NECTIN1: variants seen among roughly 807,000 people sequenced by gnomAD.
The protein encoded by NECTIN1 is nectin cell adhesion molecule 1.
A neutral mutation model predicts 48.0 loss-of-function variants in NECTIN1; 23 were observed. That is an observed-to-expected ratio of 0.48 (90% CI 0.34 to 0.68). NECTIN1 has a LOEUF of 0.68. Ranked by LOEUF, NECTIN1 falls within the 30% of genes least tolerant of loss-of-function variation. The probability of loss-of-function intolerance (pLI) is 0.01; values close to 1 mark genes in which losing one functional copy is unlikely to be tolerated. For missense variants in NECTIN1, 591 were observed against 709.9 expected, an observed-to-expected ratio of 0.83 and a Z score of 1.90; for synonymous variants, 270 against 288.9, an observed-to-expected ratio of 0.93 and a Z score of 0.66.
At chr11:119,703,467 G>A (rs1048244993) in intron 1 of NECTIN1, among the ~76,000 whole-genome samples, 1 of 152,186 alleles carries the variant, frequency 6.6e-6, no homozygotes, top group African/African-American at 2.4e-5. Context: ...CCTTGGACTT[G>A]TCCAAGTGGT....
In NECTIN1 at chr11:119,673,204, T is replaced by G. The variant is rs1288371657; in HGVS notation, c.1003+1955A>C. 6.6e-6 allele frequency among the ~76,000 whole-genome samples: 1 copy of G among 152,142 alleles called. No homozygotes were observed. On this transcript the variant is annotated intron_variant, in intron 5 of 5. Coordinates refer to ENST00000264025, the MANE Select transcript of NECTIN1 (RefSeq NM_002855.5). This position sits in a 1 kb window ranked among gnomAD's most constrained non-coding sequence, Gnocchi z 5.8. ...GGTCAGCTGCTGCTTGGAAATTGCC[T>G]GAGAGCACAAGAACAAACAGCCCTG...
Position 119,683,962 on chromosome 11 carries a change from C to T in NECTIN1, c.80-5197G>A, listed in dbSNP as rs537530936. Among the ~76,000 whole-genome samples, 18 of 152,244 alleles carry T rather than the reference C, an allele frequency of 1.2e-4. No individual in the cohort carries two copies. Among genetic ancestry groups the T allele is most frequent in the African/African-American group, 3.6e-4 (15 of 41,562 alleles). On this transcript the variant is annotated intron_variant, in intron 1 of 5. Transcript: ENST00000264025. The surrounding 1 kb of genome is among the most constrained non-coding windows in gnomAD (Gnocchi z 4.0). ...CCCTGAGACGTCACAGACCTGCAAA[C>T]GCCTGAGCTCAGCAACAAAACACAA...
At chr11:119,656,435 A>C (rs1864575485), downstream of NECTIN1, 1 of 152,234 alleles carries the variant, frequency 6.6e-6, no homozygotes, top group African/African-American at 2.4e-5. Flanking sequence ...ACAAGATCCC[A>C]GTCCTCAAGG....
intron 1 of NECTIN1, among the ~76,000 whole-genome samples, chr11:119,696,996 C>A (rs537810686): frequency 1.3e-5 from 2 of 152,100 alleles, no homozygotes; most frequent in Non-Finnish European, 2.9e-5. Flanking sequence ...GCCCCCTCCC[C>A]GCCTCCTATG....
chr11:119,662,231 C>G lies in NECTIN1; in HGVS notation c.*2516G>C, dbSNP rs1210927266. The G allele has an allele frequency of 1.0e-6, 1 of 985,404 alleles. No individual in the cohort carries two copies. Among genetic ancestry groups the G allele is most frequent in the African/African-American group, 1.7e-5 (1 of 57,222 alleles). 61.0% of individuals were successfully genotyped at this position (985,404 alleles called of 1,614,324 possible). A position where few individuals can be genotyped will look rare whatever the true frequency, so the allele number is the denominator to read the frequency against. ...CATCTCTCTGCTGGGCTAGACCTCC[C>G]TTTTGCCAGCTGGCTGTGTCTGTGG... On this transcript the variant is annotated 3_prime_UTR_variant, in exon 6 of 6. Transcript: ENST00000264025. This position sits in a 1 kb window ranked among gnomAD's most constrained non-coding sequence, Gnocchi z 5.3.
chr11:119,650,417 C>T (rs970634843), intron 5 of NECTIN1, among the ~76,000 whole-genome samples: 7 of 152,148 alleles, frequency 4.6e-5, no homozygotes, highest in African/African-American at 1.2e-4. Context: ...CTCATGAGCC[C>T]GGCCTGCCTC....
intron 5 of NECTIN1, chr11:119,674,365 TA>T: frequency 6.9e-7 from 1 of 1,450,148 alleles, no homozygotes; most frequent in Non-Finnish European, 9.1e-7. Context: ...CCATTAATAA[TA>T]ATGATGATGA....
intron 1 of NECTIN1, among the ~76,000 whole-genome samples, chr11:119,706,412 AC>A (rs1865549467): frequency 6.6e-6 from 1 of 151,180 alleles, no homozygotes; most frequent in Admixed American, 6.6e-5. Flanking sequence ...ACCCCAACTC[AC>A]CCCCCAGCGC....
rs575940695 is a variant in NECTIN1, at chr11:119,720,771, A to G, written c.79+7704T>C. 3.3e-3 allele frequency among the ~76,000 whole-genome samples: 498 copies of G among 152,300 alleles called. 5 individuals are homozygous for G. The highest frequency in any genetic ancestry group is 0.011 in the African/African-American group (475 of 41,564). Reference sequence around the variant, plus strand: ...AAGGCTGCCGGTCAGCAGGCACCAGAATCTGCTAAGAAAGAAATCCTCCTG... The same window carrying G: ...AAGGCTGCCGGTCAGCAGGCACCAGGATCTGCTAAGAAAGAAATCCTCCTG... On this transcript the variant is annotated intron_variant, in intron 1 of 5. Transcript: ENST00000264025.
downstream of NECTIN1, among the ~76,000 whole-genome samples, chr11:119,658,675 C>T (rs928494764): frequency 6.6e-6 from 1 of 152,166 alleles, no homozygotes; most frequent in Non-Finnish European, 1.5e-5. Context: ...CATCTGACTC[C>T]GACAACTCCA....
At position 119,664,969 on chromosome 11, in the gene NECTIN1, C is replaced by T. The variant is rs1165898742; in HGVS notation, c.1332G>A (p.Glu444=). The change falls in exon 6 of 6, where the codon GAG becomes GAA. Residue 444 remains glutamate (E), a synonymous_variant. Coordinates refer to ENST00000264025, the MANE Select transcript of NECTIN1 (RefSeq NM_002855.5). ...CCTTGCGCTCGCCCCCTCCACCGCC[C>T]TCCTCCTCCTCCTCCTCCTCCTCAT... The part of the protein sequence containing the change: ...SSYEEEEEEE[E]GGGGGERKVG... 1 of 1,478,422 alleles carries T rather than the reference C, an allele frequency of 6.8e-7. No homozygotes were observed. The highest frequency in any genetic ancestry group is 1.1e-5 in the South Asian group (1 of 87,184). 91.6% of individuals were successfully genotyped at this position (1,478,422 alleles called of 1,614,324 possible).
intron 5 of NECTIN1, chr11:119,642,293 A>G (rs1401568941): frequency 6.6e-6 from 1 of 151,788 alleles, no homozygotes; most frequent in East Asian, 1.9e-4. Flanking sequence ...ACTCAAACCT[A>G]TATCCCCTTT....
At chr11:119,652,569 A>C (rs951085260) in intron 5 of NECTIN1, among the ~76,000 whole-genome samples, 2 of 152,220 alleles carry the variant, frequency 1.3e-5, no homozygotes, top group African/African-American at 2.4e-5. Flanking sequence ...CATCTCTGAT[A>C]GTCATATGAA....
At chr11:119,716,156 T>A (rs565391267) in intron 1 of NECTIN1, among the ~76,000 whole-genome samples, 73 of 152,120 alleles carry the variant, frequency 4.8e-4, no homozygotes, top group African/African-American at 1.7e-3. Flanking sequence ...GGGGGGCGGA[T>A]CTCCAGTAGC....
chr11:119,660,082 G>C (rs1172357048), downstream of NECTIN1, among the ~76,000 whole-genome samples: 1 of 152,208 alleles, frequency 6.6e-6, no homozygotes, highest in Admixed American at 6.5e-5. Context: ...GGGTGTGGAG[G>C]ATGTGGCCTT....
intron 5 of NECTIN1, among the ~76,000 whole-genome samples, chr11:119,646,490 T>C (rs1229499484): frequency 6.6e-6 from 1 of 152,238 alleles, no homozygotes; most frequent in Non-Finnish European, 1.5e-5. Context: ...GCTGGCTCTC[T>C]GGGCCAAGTT....
At chr11:119,720,110 T>A (rs1177614977) in intron 1 of NECTIN1, among the ~76,000 whole-genome samples, 1 of 152,124 alleles carries the variant, frequency 6.6e-6, no homozygotes, top group African/African-American at 2.4e-5. Flanking sequence ...CAAGGAGCAG[T>A]GTGGGCAGAC....
intron 1 of NECTIN1, among the ~76,000 whole-genome samples, chr11:119,715,193 A>G (rs1049531588): frequency 6.6e-6 from 1 of 152,112 alleles, no homozygotes; most frequent in Non-Finnish European, 1.5e-5. Flanking sequence ...ATGGGGTGCT[A>G]CAGCATTTGA....
rs1864891148 is a variant in NECTIN1 at position 119,673,325 on chromosome 11, C to G, written c.1003+1834G>C. On this transcript the variant is annotated intron_variant, in intron 5 of 5. Coordinates refer to ENST00000264025, the MANE Select transcript of NECTIN1 (RefSeq NM_002855.5). This position sits in a 1 kb window ranked among gnomAD's most constrained non-coding sequence, Gnocchi z 5.8. ...TCAGCGCCTGGGCCTATCAATGATT[C>G]AGTGAGTGCCATGCGTCCCTGGCTC... Among the ~76,000 whole-genome samples the G allele has an allele frequency of 6.6e-6, 1 of 152,184 alleles. No individual in the cohort carries two copies. The highest frequency in any genetic ancestry group is 1.5e-5 in the Non-Finnish European group (1 of 68,026).
Sources: allele counts gnomAD v4.1 joint callset (sites outside exome capture counted in the v4.1 genomes callset), GRCh38; gene constraint gnomAD v4.1.1; non-coding constraint Gnocchi (gnomAD v3.1); transcripts MANE v1.5; gene names NCBI Gene and HGNC (gene_info 2026-07-23, HGNC 2026-07-21).